Variants in LRRC37A2 observed in about 807,000 individuals in gnomAD.
LRRC37A2 encodes the protein leucine-rich repeat-containing protein 37A2.
LRRC37A2 carries 9 observed loss-of-function variants against 68.8 expected under a neutral mutation model. That is an observed-to-expected ratio of 0.13 (90% CI 0.08 to 0.23). The LOEUF (loss-of-function observed/expected upper bound fraction) is 0.23. Among genes scored for constraint, LRRC37A2 ranks in the 10% least tolerant of loss-of-function variants. The pLI, the probability that LRRC37A2 is intolerant of heterozygous loss-of-function variation, is 1.00. For synonymous variants in LRRC37A2, 63 were observed against 367.6 expected, an observed-to-expected ratio of 0.17 and a Z score of 9.48; for missense variants, 168 against 950.4, an observed-to-expected ratio of 0.18 and a Z score of 10.82.
At chr17:46,938,968 G>A in the LRRC37A2 span, 43 of 1,438,756 alleles carry the variant, frequency 3.0e-5, no homozygotes, top group Non-Finnish European at 3.2e-5. Context: ...ACCATGCGCG[G>A]TGCTTAGGAA....
chr17:46,534,378 G>C (rs2054241579), intron 6 of LRRC37A2, among the ~76,000 whole-genome samples: 2 of 145,950 alleles, frequency 1.4e-5, no homozygotes, highest in African/African-American at 5.3e-5. Flanking sequence ...GGGTACTTGA[G>C]ATTAGGGAGT....
the LRRC37A2 span, among the ~76,000 whole-genome samples, chr17:46,982,470 G>C: frequency 6.6e-6 from 1 of 152,184 alleles, no homozygotes; most frequent in Non-Finnish European, 1.5e-5. Context: ...CATGCCCAGT[G>C]CATTAAATAC....
At chr17:46,768,195 T>C in the LRRC37A2 span, 2 of 1,463,702 alleles carry the variant, frequency 1.4e-6, no homozygotes, top group Non-Finnish European at 1.9e-6. The surrounding 1 kb of genome is among the most constrained non-coding windows in gnomAD (Gnocchi z 5.0). Context: ...CTGTGGGAAC[T>C]TGTGTGTCTT....
At chr17:46,847,518 T>C in the LRRC37A2 span, among the ~76,000 whole-genome samples, 1 of 152,184 alleles carries the variant, frequency 6.6e-6, no homozygotes, top group Non-Finnish European at 1.5e-5. Flanking sequence ...CCAGTCATCA[T>C]AAGGCTATGA....
At chr17:46,863,164 G>A in the LRRC37A2 span, among the ~76,000 whole-genome samples, 5 of 152,198 alleles carry the variant, frequency 3.3e-5, no homozygotes, top group South Asian at 2.1e-4. Context: ...CCCAAAGCCC[G>A]CCCAGCCCCA....
At chr17:46,695,298 A>T in the LRRC37A2 span, among the ~76,000 whole-genome samples, 7 of 137,172 alleles carry the variant, frequency 5.1e-5, no homozygotes, top group Non-Finnish European at 7.7e-5. Flanking sequence ...GTTTCCACGT[A>T]CTAGAATTTT....
At chr17:46,969,094 C>T in the LRRC37A2 span, among the ~76,000 whole-genome samples, 2,056 of 152,330 alleles carry the variant, frequency 0.013, 42 homozygotes, top group African/African-American at 0.047. Context: ...TCACAGCCAC[C>T]GGCCTCCCAG....
At chr17:46,771,836 G>C in the LRRC37A2 span, among the ~76,000 whole-genome samples, 16 of 144,476 alleles carry the variant, frequency 1.1e-4, no homozygotes, top group African/African-American at 4.0e-4. Context: ...CGGTGGGGGG[G>C]CGGTGCTCGG....
At chr17:46,925,561 A>C in the LRRC37A2 span, among the ~76,000 whole-genome samples, 3 of 152,318 alleles carry the variant, frequency 2.0e-5, no homozygotes, top group East Asian at 5.8e-4. Flanking sequence ...GGCTGGTTAA[A>C]CTGTAAGGCT....
At chr17:46,991,383 T>C in the LRRC37A2 span, among the ~76,000 whole-genome samples, 2 of 152,156 alleles carry the variant, frequency 1.3e-5, no homozygotes, top group African/African-American at 4.8e-5. Flanking sequence ...TCCCAGGACT[T>C]TGGGAGGCCG....
the LRRC37A2 span, among the ~76,000 whole-genome samples, chr17:46,966,032 T>C: frequency 3.3e-5 from 5 of 152,192 alleles, no homozygotes; most frequent in African/African-American, 1.2e-4. Context: ...TCTCCACTTT[T>C]AATGTCTATA....
the LRRC37A2 span, among the ~76,000 whole-genome samples, chr17:47,000,993 G>A: frequency 3.3e-5 from 5 of 152,082 alleles, no homozygotes; most frequent in Non-Finnish European, 5.9e-5. Flanking sequence ...AAAATTAGCC[G>A]GGCGGGGTGG....
the LRRC37A2 span, chr17:46,968,613 G>A: frequency 6.6e-6 from 1 of 152,488 alleles, no homozygotes; most frequent in Non-Finnish European, 1.5e-5. Context: ...GTGTGACTCA[G>A]AGAACTTAGT....
At chr17:46,498,544 A>G in the LRRC37A2 span, among the ~76,000 whole-genome samples, 3 of 139,954 alleles carry the variant, frequency 2.1e-5, no homozygotes, top group Non-Finnish European at 4.5e-5. Flanking sequence ...TAAAGTACTG[A>G]GAGAAATGTC....
the LRRC37A2 span, among the ~76,000 whole-genome samples, chr17:46,855,109 G>C: frequency 6.6e-6 from 1 of 152,162 alleles, no homozygotes; most frequent in Admixed American, 6.5e-5. Context: ...GAATCGGTGG[G>C]GGAGGTTGAA....
the LRRC37A2 span, among the ~76,000 whole-genome samples, chr17:46,873,609 A>G: frequency 3.3e-5 from 5 of 152,176 alleles, no homozygotes; most frequent in Admixed American, 1.3e-4. Flanking sequence ...CTCTAATCCT[A>G]GCACTTTGGG....
the LRRC37A2 span, among the ~76,000 whole-genome samples, chr17:46,758,532 T>C: frequency 2.6e-5 from 4 of 152,374 alleles, no homozygotes; most frequent in South Asian, 4.1e-4. Flanking sequence ...GCTATTTTTT[T>C]GTCATAAGAT....
the LRRC37A2 span, among the ~76,000 whole-genome samples, chr17:46,788,916 G>C: frequency 6.6e-6 from 1 of 151,984 alleles, no homozygotes; most frequent in Non-Finnish European, 1.5e-5. Flanking sequence ...ACAGCTGCTA[G>C]CTCCACAGTT....
chr17:46,713,751 T>C, the LRRC37A2 span: 2 of 1,018,000 alleles, frequency 2.0e-6, no homozygotes, highest in South Asian at 3.2e-5. Flanking sequence ...AATGAGCAAC[T>C]AGTCGAGACC....
Sources: allele counts gnomAD v4.1 joint callset (sites outside exome capture counted in the v4.1 genomes callset), GRCh38; gene constraint gnomAD v4.1.1; non-coding constraint Gnocchi (gnomAD v3.1); transcripts MANE v1.5; gene names NCBI Gene and HGNC (gene_info 2026-07-23, HGNC 2026-07-21).